Variants in CRB1 observed in about 807,000 individuals in gnomAD.
CRB1 encodes crumbs cell polarity complex component 1.
In CRB1, 83 loss-of-function variants were observed where a neutral mutation model predicts 120.0. The ratio of observed to expected loss-of-function variants is 0.69; its 90% CI spans 0.58 to 0.83. CRB1 has a LOEUF of 0.83. Among genes scored for constraint, CRB1 ranks in the 40% least tolerant of loss-of-function variants. The pLI is 0.00. For missense variants in CRB1, 1,699 were observed against 1,687.6 expected (o/e 1.01, Z -0.12); for synonymous variants, 625 against 612.5 (o/e 1.02, Z -0.30).
upstream of CRB1, among the ~76,000 whole-genome samples, chr1:197,267,630 A>G (rs367614123): frequency 1.3e-5 from 2 of 152,228 alleles, no homozygotes; most frequent in Admixed American, 6.5e-5. Context: ...ATAAAAATAC[A>G]ATTTTAAGGA....
intron 1 of CRB1, among the ~76,000 whole-genome samples, chr1:197,287,903 A>G (rs1462934156): frequency 6.6e-6 from 1 of 151,876 alleles, no homozygotes; most frequent in African/African-American, 2.4e-5. Context: ...CTGGCAACAC[A>G]TATGAAACAA....
At chr1:197,214,122 G>A in the CRB1 span, among the ~76,000 whole-genome samples, 9 of 151,584 alleles carry the variant, frequency 5.9e-5, no homozygotes, top group East Asian at 1.9e-4. Context: ...GTTTGTTTGC[G>A]AAGGAGAAAA....
upstream of CRB1, among the ~76,000 whole-genome samples, chr1:197,263,970 A>T (rs554861920): frequency 1.3e-5 from 2 of 151,656 alleles, no homozygotes; most frequent in East Asian, 3.9e-4. Flanking sequence ...ACATTCTTTT[A>T]TCTCTTAAAA....
At chr1:197,323,399 C>T (rs1294623388) in intron 1 of CRB1, among the ~76,000 whole-genome samples, 5 of 152,042 alleles carry the variant, frequency 3.3e-5, no homozygotes, top group East Asian at 1.9e-4. Flanking sequence ...CTTTATGGAG[C>T]GGGAAAAAAC....
At chr1:197,204,571 A>G in the CRB1 span, among the ~76,000 whole-genome samples, 2 of 152,076 alleles carry the variant, frequency 1.3e-5, no homozygotes, top group Non-Finnish European at 2.9e-5. Context: ...GGCCATTTGT[A>G]TATCTTCTTT....
chr1:197,330,487 T>G (rs778615283), intron 2 of CRB1, among the ~76,000 whole-genome samples: 11 of 152,228 alleles, frequency 7.2e-5, no homozygotes, highest in Non-Finnish European at 1.2e-4. Context: ...GGCCATGTCC[T>G]CACACATTCC....
intron 2 of CRB1, among the ~76,000 whole-genome samples, chr1:197,331,832 A>C (rs1320299985): frequency 6.6e-6 from 1 of 152,194 alleles, no homozygotes; most frequent in Non-Finnish European, 1.5e-5. Flanking sequence ...TATCTTAATT[A>C]AATTGGATTT....
chr1:197,457,445 C>T (rs1416837668), intron 11 of CRB1, among the ~76,000 whole-genome samples: 1 of 152,116 alleles, frequency 6.6e-6, no homozygotes, highest in Non-Finnish European at 1.5e-5. Context: ...GATCCCGGAG[C>T]ATCTGCATCT....
chr1:197,243,676 A>C, the CRB1 span, among the ~76,000 whole-genome samples: 1 of 152,134 alleles, frequency 6.6e-6, no homozygotes, highest in African/African-American at 2.4e-5. Flanking sequence ...AATTCTGTAG[A>C]TGTCTATTAG....
At chr1:197,395,685 G>C (rs1001156023) in intron 5 of CRB1, among the ~76,000 whole-genome samples, 7 of 152,038 alleles carry the variant, frequency 4.6e-5, no homozygotes, top group Non-Finnish European at 1.0e-4. Context: ...TGAATGCAAG[G>C]TTCATTCAGC....
In CRB1 at chr1:197,427,808, A is replaced by C. The variant is rs755608336; in HGVS notation, c.2483A>C (p.Asp828Ala). 1 of 1,613,918 alleles carries C rather than the reference A, an allele frequency of 6.2e-7. No homozygotes were observed. ...TCTACGTGGAAAATCGAAAAGGGAG[A>C]TGTCATCTACATTGGTGGCCTACCT... ...SASTWKIEKG[D>A]VIYIGGLPDK... Residue 828 changes from aspartate to alanine, a missense_variant, in exon 7 of 12, where the codon GAT becomes GCT. By Grantham distance (126) the Asp-to-Ala change is moderately radical. Coordinates refer to ENST00000367400, the MANE Select transcript of CRB1 (RefSeq NM_201253.3).
intron 11 of CRB1, among the ~76,000 whole-genome samples, chr1:197,448,122 G>T (rs1479257229): frequency 6.6e-6 from 1 of 151,704 alleles, no homozygotes; most frequent in Non-Finnish European, 1.5e-5. Context: ...CACATAATTA[G>T]GAACTTATTT....
intron 2 of CRB1, among the ~76,000 whole-genome samples, chr1:197,331,217 G>A (rs1216993660): frequency 6.6e-6 from 1 of 151,852 alleles, no homozygotes; most frequent in Non-Finnish European, 1.5e-5. Flanking sequence ...GTGAGTAATG[G>A]CTGCTTAATC....
At chr1:197,389,747 T>A (rs1662400249) in intron 5 of CRB1, among the ~76,000 whole-genome samples, 1 of 152,230 alleles carries the variant, frequency 6.6e-6, no homozygotes, top group South Asian at 2.1e-4. Context: ...TTTCAGTTCA[T>A]CAATAGTTGT....
At chr1:197,265,936 C>T (rs1654621054), upstream of CRB1, among the ~76,000 whole-genome samples, 1 of 152,116 alleles carries the variant, frequency 6.6e-6, no homozygotes, top group South Asian at 2.1e-4. Context: ...TATGTGAATT[C>T]ACTACTTAAA....
chr1:197,454,313 G>C (rs1012424874), intron 11 of CRB1, among the ~76,000 whole-genome samples: 3 of 151,670 alleles, frequency 2.0e-5, no homozygotes, highest in Non-Finnish European at 2.9e-5. Flanking sequence ...TTCAAATGGA[G>C]GAAAAATAAA....
At chr1:197,455,114 T>G (rs984473723) in intron 11 of CRB1, among the ~76,000 whole-genome samples, 1 of 152,136 alleles carries the variant, frequency 6.6e-6, no homozygotes, top group Non-Finnish European at 1.5e-5. Flanking sequence ...TAATAATTAT[T>G]CTAGGACAGC....
chr1:197,421,346 A>G lies in CRB1; in HGVS notation c.1518A>G (p.Ser506=), dbSNP rs1457437542. 1.2e-6 allele frequency: 2 copies of G among 1,614,104 alleles called. No individual in the cohort carries two copies. Among genetic ancestry groups the G allele is most frequent in the Admixed American group, 1.7e-5 (1 of 60,012 alleles). ...GTGGCTCAGTGACAACCAAGGGCTC[A>G]GTTTGTAACATAGCCCTCAGGTTTC... The part of the protein sequence containing the change: ...VKSGSVTTKG[S]VCNIALRFQT... The change falls in exon 6 of 12, where the codon TCA becomes TCG. Residue 506 remains serine (S), a synonymous_variant. Coordinates refer to ENST00000367400, the MANE Select transcript of CRB1 (RefSeq NM_201253.3).
intron 11 of CRB1, among the ~76,000 whole-genome samples, chr1:197,460,208 A>C (rs1054311813): frequency 2.0e-5 from 3 of 151,952 alleles, no homozygotes; most frequent in Non-Finnish European, 2.9e-5. Flanking sequence ...AGCATCACTA[A>C]AAAAGAGTCT....
Sources: allele counts gnomAD v4.1 joint callset (sites outside exome capture counted in the v4.1 genomes callset), GRCh38; gene constraint gnomAD v4.1.1; transcripts MANE v1.5; gene names NCBI Gene and HGNC (gene_info 2026-07-23, HGNC 2026-07-21).